The following GALNTL6 variants were observed in gnomAD, a reference collection of about 807,000 sequenced individuals.
GALNTL6 encodes the protein polypeptide N-acetylgalactosaminyltransferase like 6, also known as polypeptide N-acetylgalactosaminyltransferase-like 6.
In GALNTL6, 46 loss-of-function variants were observed where a neutral mutation model predicts 73.7. The observed-to-expected ratio is 0.62, with a 90% CI of 0.49 to 0.80. GALNTL6 has a LOEUF of 0.80. Among genes scored for constraint, GALNTL6 ranks in the 30% least tolerant of loss-of-function variants. The pLI is 0.00. For synonymous variants in GALNTL6, 259 were observed against 263.7 expected (o/e 0.98, Z 0.17); for missense variants, 604 against 755.0 (o/e 0.80, Z 2.34).
At chr4:172,214,405 AT>A (rs1736427694) in intron 2 of GALNTL6, among the ~76,000 whole-genome samples, 2 of 152,114 alleles carry the variant, frequency 1.3e-5, no homozygotes, top group African/African-American at 4.8e-5. Flanking sequence ...CTAGAGATTT[AT>A]CAATTTCATC....
intron 5 of GALNTL6, among the ~76,000 whole-genome samples, chr4:172,752,827 A>C (rs1579436804): frequency 6.6e-6 from 1 of 152,198 alleles, no homozygotes; most frequent in Admixed American, 6.5e-5. Context: ...AAATACTTGC[A>C]ATCTCCTAGC....
intron 5 of GALNTL6, among the ~76,000 whole-genome samples, chr4:172,672,559 CA>C (rs2111208667): frequency 6.6e-6 from 1 of 152,324 alleles, no homozygotes; most frequent in Non-Finnish European, 1.5e-5. Flanking sequence ...TCCTCCTCCT[CA>C]ATTTTTTGGA....
chr4:172,315,131 A>G (rs1394528049), intron 4 of GALNTL6, among the ~76,000 whole-genome samples: 1 of 152,228 alleles, frequency 6.6e-6, no homozygotes, highest in Non-Finnish European at 1.5e-5. Context: ...AATTTTTAAA[A>G]TAGTTTTTCC....
At chr4:171,842,042 AGAT>A (rs1418460211) in intron 2 of GALNTL6, among the ~76,000 whole-genome samples, 1 of 152,100 alleles carries the variant, frequency 6.6e-6, no homozygotes, top group Non-Finnish European at 1.5e-5. Flanking sequence ...CAGAATACCT[AGAT>A]ATGTGCAATA....
chr4:172,651,824 T>A (rs1052702830), intron 5 of GALNTL6, among the ~76,000 whole-genome samples: 1 of 152,140 alleles, frequency 6.6e-6, no homozygotes. Flanking sequence ...TGTCACTGAA[T>A]AGAGGCAGGG....
intron 2 of GALNTL6, among the ~76,000 whole-genome samples, chr4:172,199,750 G>T (rs1380622249): frequency 4.0e-5 from 6 of 149,956 alleles, no homozygotes; most frequent in African/African-American, 1.5e-4. Flanking sequence ...ATTTTTTGTT[G>T]TTGTTGTTGT....
At chr4:172,843,619 C>T (rs1325314995) in intron 7 of GALNTL6, among the ~76,000 whole-genome samples, 4 of 152,248 alleles carry the variant, frequency 2.6e-5, no homozygotes, top group Admixed American at 6.5e-5. Flanking sequence ...TTGGCTTTCT[C>T]GGGAGAGTTA....
At position 172,493,362 on chromosome 4, in the gene GALNTL6, C is replaced by T. The variant is rs549057236; in HGVS notation, c.553+144673C>T. Among the ~76,000 whole-genome samples, 12 of 152,206 alleles carry T rather than the reference C, an allele frequency of 7.9e-5. No individual in the cohort carries two copies. The South Asian group carries it at 2.1e-3, about 26-fold the overall frequency. ...TTAAACAGACACTGTCTTGGAACTT[C>T]GGCTAAGGAAAATTACTAAAAACTA... On this transcript the variant is annotated intron_variant, in intron 5 of 12. Coordinates refer to ENST00000506823, the MANE Select transcript of GALNTL6 (RefSeq NM_001034845.3).
intron 5 of GALNTL6, among the ~76,000 whole-genome samples, chr4:172,447,437 C>T (rs1275218761): frequency 5.3e-5 from 8 of 152,078 alleles, no homozygotes; most frequent in Admixed American, 1.3e-4. Flanking sequence ...CATTTGGCAT[C>T]GGTTGTAGGT....
chr4:172,059,956 G>A (rs1175350650), intron 2 of GALNTL6, among the ~76,000 whole-genome samples: 1 of 152,148 alleles, frequency 6.6e-6, no homozygotes, highest in African/African-American at 2.4e-5. Context: ...AAGCCCAGAA[G>A]GAGAGGCCTC....
intron 3 of GALNTL6, among the ~76,000 whole-genome samples, chr4:172,272,954 G>GT (rs34734238): frequency 0.13 from 19,081 of 152,038 alleles, 1,274 homozygotes; most frequent in East Asian, 0.3. Flanking sequence ...AAATAAGTTG[G>GT]AGAAGAAGTA....
chr4:172,492,527 C>A (rs1224630088), intron 5 of GALNTL6, among the ~76,000 whole-genome samples: 4 of 152,046 alleles, frequency 2.6e-5, no homozygotes, highest in African/African-American at 7.2e-5. Context: ...TCTTAATACA[C>A]CTGAAAGATT....
intron 3 of GALNTL6, among the ~76,000 whole-genome samples, chr4:172,295,319 G>A (rs1739628360): frequency 6.6e-6 from 1 of 151,872 alleles, no homozygotes. Context: ...CTACTGGGGA[G>A]GCTGAGGCAG....
chr4:171,978,946 T>A (rs1205045615), intron 2 of GALNTL6, among the ~76,000 whole-genome samples: 1 of 152,186 alleles, frequency 6.6e-6, no homozygotes, highest in African/African-American at 2.4e-5. Flanking sequence ...CATCTTTAAA[T>A]TTTTAATCAA....
At chr4:172,045,834 C>G (rs982729150) in intron 2 of GALNTL6, among the ~76,000 whole-genome samples, 13 of 151,522 alleles carry the variant, frequency 8.6e-5, no homozygotes, top group African/African-American at 3.1e-4. Flanking sequence ...ACACTTTGAC[C>G]ATCTTGTCCT....
intron 8 of GALNTL6, among the ~76,000 whole-genome samples, chr4:172,927,203 G>A (rs1266742346): frequency 1.3e-5 from 2 of 152,172 alleles, no homozygotes; most frequent in East Asian, 3.8e-4. Flanking sequence ...CTTTGGCCCA[G>A]AGGTGATGCA....
chr4:172,436,745 T>A (rs1220753707), intron 5 of GALNTL6, among the ~76,000 whole-genome samples: 1 of 152,138 alleles, frequency 6.6e-6, no homozygotes, highest in Admixed American at 6.6e-5. Flanking sequence ...TTTTTCCACT[T>A]TGAAGTATTT....
At chr4:172,761,180 T>A (rs1366666385) in intron 5 of GALNTL6, among the ~76,000 whole-genome samples, 2 of 152,154 alleles carry the variant, frequency 1.3e-5, no homozygotes, top group Non-Finnish European at 2.9e-5. Context: ...AAAAATTAGG[T>A]GGTACAAGTT....
intron 2 of GALNTL6, among the ~76,000 whole-genome samples, chr4:172,172,067 C>G (rs887715366): frequency 3.3e-5 from 5 of 152,120 alleles, no homozygotes; most frequent in African/African-American, 9.7e-5. Flanking sequence ...ACCTCAGAAT[C>G]CCCAGTACCT....
Sources: allele counts gnomAD v4.1 joint callset (sites outside exome capture counted in the v4.1 genomes callset), GRCh38; gene constraint gnomAD v4.1.1; transcripts MANE v1.5; gene names NCBI Gene and HGNC (gene_info 2026-07-23, HGNC 2026-07-21).